KHSRP: variants seen among roughly 807,000 people sequenced by gnomAD.
KHSRP encodes far upstream element-binding protein 2.
A neutral mutation model predicts 94.9 loss-of-function variants in KHSRP; 13 were observed. The ratio of observed to expected loss-of-function variants is 0.14; its 90% confidence interval spans 0.09 to 0.22. The LOEUF (loss-of-function observed/expected upper bound fraction) is 0.22. Among genes scored for constraint, KHSRP ranks in the 10% least tolerant of loss-of-function variants. The probability of loss-of-function intolerance (pLI) is 1.00; values close to 1 mark genes in which losing one functional copy is unlikely to be tolerated. For missense variants in KHSRP, 710 were observed against 1,010.0 expected, an observed-to-expected ratio of 0.70 and a Z score of 4.03; for synonymous variants, 495 against 401.4, an observed-to-expected ratio of 1.23 and a Z score of -2.79.
chr19:6,421,665 C>A lies in KHSRP; in HGVS notation c.370G>T (p.Ala124Ser), dbSNP rs1458798112. The A allele has an allele frequency of 1.2e-6, 2 of 1,613,812 alleles. No individual in the cohort carries two copies. The highest frequency in any genetic ancestry group is 1.1e-5 in the South Asian group (1 of 91,088). The change falls in exon 3 of 19, where the codon GCT (alanine) becomes TCT (serine). Residue 124 changes from alanine (A) to serine (S), a missense_variant. Transcript: ENST00000600480. ...DGDQPESKKL[A>S]SQGDSISSQL... Reference sequence around the variant, plus strand: ...CTGGACTTACAGTCTCCCTGGGAAGCCAGCTTCTTGCTCTCCGGTTGATCT... The same window carrying A: ...CTGGACTTACAGTCTCCCTGGGAAGACAGCTTCTTGCTCTCCGGTTGATCT...
At chr19:6,424,047 G>A (rs980043566) in intron 1 of KHSRP, 8 of 152,324 alleles carry the variant, frequency 5.3e-5, no homozygotes, top group Non-Finnish European at 1.2e-4. Context: ...AGAGGGGACA[G>A]AAATGGGACT....
rs1177821091 is a variant in KHSRP, at chr19:6,420,404, A to C, written c.475+18T>G. On this transcript the variant is annotated intron_variant, in intron 5 of 18. Transcript: ENST00000600480. Reference sequence around the variant, plus strand: ...TGGGGAAGAGTGGGCCTCCCCACCCAAGGTGACCCACACTCACTCAGGCCC... The same window carrying C: ...TGGGGAAGAGTGGGCCTCCCCACCCCAGGTGACCCACACTCACTCAGGCCC... The C allele has an allele frequency of 1.2e-6, 2 of 1,612,910 alleles. No homozygotes were observed. The highest frequency in any genetic ancestry group is 1.7e-6 in the Non-Finnish European group (2 of 1,179,056).
chr19:6,424,428 C>CCCCTCAGG (rs1291626175), intron 1 of KHSRP, 25 bp downstream of exon 1: 1 of 988,172 alleles, frequency 1.0e-6, no homozygotes, highest in Non-Finnish European at 1.2e-6. Context: ...CGCGAGCGCG[C>CCCCTCAGG]CCCTCAGGCC....
At chr19:6,416,937 G>A in intron 12 of KHSRP, 50 bp downstream of exon 12, 1 of 1,613,174 alleles carries the variant, frequency 6.2e-7, no homozygotes, top group Non-Finnish European at 8.5e-7. Context: ...GTCTGGTCTT[G>A]CACTCCCCTG....
chr19:6,415,123 G>A lies in KHSRP; in HGVS notation c.2145C>T (p.His715=), dbSNP rs759262460. ...GGAAGGAGAAAGGAGGAGGAGGAGG[G>A]TGGCAATTCCCACTTGCCTGCTGCT... is the stretch of plus-strand genomic sequence containing the variant. The part of the protein sequence containing the change: ...QGQQQASGNC[H]PPPPPFSFQP... Residue 715 remains histidine, a synonymous_variant, in exon 19 of 19, where the codon CAC becomes CAT. Coordinates refer to ENST00000600480, the MANE Select transcript of KHSRP (RefSeq NM_001366299.1). 1 of 1,599,044 alleles carries A rather than the reference G, an allele frequency of 6.3e-7. No homozygotes were observed. The highest frequency in any genetic ancestry group is 1.3e-5 in the African/African-American group (1 of 74,912).
Position 6,421,290 on chromosome 19 carries a change from TG to T in KHSRP, c.412del (p.His138IlefsTer8). 6.3e-7 allele frequency: 1 copy of T among 1,590,652 alleles called. No individual in the cohort carries two copies. Among genetic ancestry groups the T allele is most frequent in the Non-Finnish European group, 8.6e-7 (1 of 1,168,854 alleles). On this transcript the variant is annotated frameshift_variant, in exon 4 of 19. Coordinates refer to ENST00000600480, the MANE Select transcript of KHSRP (RefSeq NM_001366299.1). LOFTEE classifies it high-confidence loss of function. ...CACCATGGCTTACCTTGGGGGAGGA[TG>T]GATGGGTCCAAGTTGAGAACTGATT... The part of the protein sequence containing the change: ...DSISSQLGPI[H>X]PPPRTSMTEE...
chr19:6,419,505 C>T lies in KHSRP; in HGVS notation c.548-245G>A, dbSNP rs139906481. 6.2e-4 allele frequency among the ~76,000 whole-genome samples: 95 copies of T among 152,236 alleles called. 1 individual carries two copies. The highest frequency in any genetic ancestry group is 2.2e-3 in the African/African-American group (90 of 41,546). On this transcript the variant is annotated intron_variant, in intron 6 of 18. Coordinates refer to ENST00000600480, the MANE Select transcript of KHSRP (RefSeq NM_001366299.1). ...ATGAGGTGGAGGGAGTTGCAGATTC[C>T]AGAAGGTCCAGGAGCCGGCCACCCC...
chr19:6,422,574 T>A, intron 1 of KHSRP, 138 bp from the exon 2 acceptor site: 1 of 633,942 alleles, frequency 1.6e-6, no homozygotes, highest in Non-Finnish European at 2.8e-6. Context: ...TAGGGAAGAG[T>A]CAGTTGGTTA....
chr19:6,414,906 G>C lies in KHSRP; in HGVS notation c.*118C>G, dbSNP rs1026305807. ...CCAGCATCACGACAGCGGCACACAG[G>C]AACAAGCAGCCGGCGCAGGGAGGCC... On this transcript the variant is annotated 3_prime_UTR_variant, in exon 19 of 19. Transcript: ENST00000600480. 86 of 1,390,286 alleles carry C rather than the reference G, an allele frequency of 6.2e-5. No individual in the cohort carries two copies. Among genetic ancestry groups the C allele is most frequent in the Admixed American group, 2.3e-4 (7 of 30,352 alleles). 86.1% of individuals were successfully genotyped at this position (1,390,286 alleles called of 1,614,324 possible).
chr19:6,420,571 C>A (rs775545335), intron 4 of KHSRP, 100 bp from the exon 5 acceptor site: 14 of 1,061,002 alleles, frequency 1.3e-5, no homozygotes, highest in Non-Finnish European at 2.0e-5. Flanking sequence ...TAGGTCTAAG[C>A]AGAGTCTGAC....
At position 6,424,601 on chromosome 19, in the gene KHSRP, G is replaced by A. The variant is rs2092221275; in HGVS notation, c.101C>T (p.Pro34Leu). Residue 34 changes from proline to leucine, a missense_variant, in exon 1 of 19, where the codon CCG becomes CTG. Transcript: ENST00000600480. ...GGAGGGPPPG[P>L]PGAGDRGGGG... ...GCCGCCCCGGTCCCCCGCGCCTGGC[G>A]GGCCCGGCGGAGGGCCTCCCCCGGC... 1.0e-6 allele frequency: 1 copy of A among 963,456 alleles called. No individual in the cohort carries two copies. The allele number at this position is 963,456 out of a possible 1,614,324, so 59.7% of individuals were successfully genotyped here. A position where few individuals can be genotyped will look rare whatever the true frequency, so the allele number is the denominator to read the frequency against.
Position 6,414,254 on chromosome 19 carries a change from G to A in KHSRP, c.*770C>T. ...CCCCTCCCAAACCTGCGCTGGCTCA[G>A]GCTGGAAGGACGTGCTTGTTAACTG... On this transcript the variant is annotated 3_prime_UTR_variant, in exon 19 of 19. Transcript: ENST00000600480. The A allele has an allele frequency of 6.8e-7, 1 of 1,479,140 alleles. No homozygotes were observed. The highest frequency in any genetic ancestry group is 9.0e-7 in the Non-Finnish European group (1 of 1,112,862). 91.6% of individuals were successfully genotyped at this position (1,479,140 alleles called of 1,614,324 possible).
rs1001086313 is a variant in KHSRP, at chr19:6,416,792, C to T, written c.1273G>A (p.Gly425Arg). 6 of 1,586,004 alleles carry T rather than the reference C, an allele frequency of 3.8e-6. No individual in the cohort carries two copies. Among genetic ancestry groups the T allele is most frequent in the East Asian group, 2.3e-5 (1 of 44,326 alleles). The change falls in exon 13 of 19, where the codon GGG becomes AGG. Residue 425 changes from glycine to arginine, a missense_variant. This residue lies in a region of KHSRP where 288 missense variants were observed against 501.1 expected (regional missense o/e 0.57). Transcript: ENST00000600480. Reference sequence around the variant, plus strand: ...GTGGGGATGGAGAAGGTCATCTCCCCGCCAGGGGGACCCCAATTGCCTTGG... The same window carrying T: ...GTGGGGATGGAGAAGGTCATCTCCCTGCCAGGGGGACCCCAATTGCCTTGG... ...RGQGNWGPPG[G>R]EMTFSIPTHK...
chr19:6,415,697 C>A lies in KHSRP; in HGVS notation c.1725G>T (p.Ala575=). The part of the protein sequence containing the change: ...AAAAAADPNA[A]WAAYYSHYYQ... ...AGTAGTGTGAGTAGTAGGCGGCCCA[C>A]GCGGCGTTGGGGTCCGCGGCCGCTG... The change falls in exon 17 of 19, where the codon GCG becomes GCT. Residue 575 remains alanine (A), a synonymous_variant. Transcript: ENST00000600480. 6.5e-7 allele frequency: 1 copy of A among 1,548,710 alleles called. No homozygotes were observed. Among genetic ancestry groups the A allele is most frequent in the Non-Finnish European group, 8.7e-7 (1 of 1,146,802 alleles).
At position 6,414,714 on chromosome 19, in the gene KHSRP, A is replaced by C. The variant is rs749252181; in HGVS notation, c.*310T>G. 1.3e-5 allele frequency: 13 copies of C among 1,032,634 alleles called. No homozygotes were observed. The highest frequency in any genetic ancestry group is 4.6e-4 in the Middle Eastern group (1 of 2,166). The allele number at this position is 1,032,634 out of a possible 1,614,324, so 64.0% of individuals were successfully genotyped here. A position where few individuals can be genotyped will look rare whatever the true frequency, so the allele number is the denominator to read the frequency against. ...AAATAAAAGAATAAAAAGAACAAAA[A>C]CCAAAAAAGTGATGCAGAGAAGGGG... On this transcript the variant is annotated 3_prime_UTR_variant, in exon 19 of 19. Coordinates refer to ENST00000600480, the MANE Select transcript of KHSRP (RefSeq NM_001366299.1).
At position 6,414,635 on chromosome 19, in the gene KHSRP, A is replaced by G. The variant is rs1654586; in HGVS notation, c.*389T>C. On this transcript the variant is annotated 3_prime_UTR_variant, in exon 19 of 19. Coordinates refer to ENST00000600480, the MANE Select transcript of KHSRP (RefSeq NM_001366299.1). ...GTCCCCACCAGTCCCTGCCAGAGCC[A>G]GGCCGCCTGCAACACAGTCACTTGG... is the stretch of plus-strand genomic sequence containing the variant. 0.99 allele frequency: 998,872 copies of G among 1,004,290 alleles called. 496,745 individuals carry two copies. The highest frequency in any genetic ancestry group is 1 in the East Asian group (9,386 of 9,388). 62.2% of individuals were successfully genotyped at this position (1,004,290 alleles called of 1,614,324 possible). A position where few individuals can be genotyped will look rare whatever the true frequency, so the allele number is the denominator to read the frequency against.
rs773577825 is a variant in KHSRP at position 6,420,492 on chromosome 19, G to A, written c.426-21C>T. 5 of 1,613,008 alleles carry A rather than the reference G, an allele frequency of 3.1e-6. No homozygotes were observed. In the African/African-American group the frequency reaches 5.3e-5, roughly 17 times the overall value. ...AAGTCCTGTAAAGAGACACGCCAAA[G>A]GTCAGTCCTCAAGTGGGAAGGGAGG... is the stretch of plus-strand genomic sequence containing the variant. On this transcript the variant is annotated intron_variant, in intron 4 of 18. Transcript: ENST00000600480.
rs2092119641 is a variant in KHSRP, at chr19:6,413,872, G to C, written c.*1152C>G. ...GATTTAGATCTCGCTATCTTCTCTG[G>C]CTGGCTCAACATGGAAGGATCCCAA... On this transcript the variant is annotated 3_prime_UTR_variant, in exon 19 of 19. Transcript: ENST00000600480. 1 of 355,620 alleles carries C rather than the reference G, an allele frequency of 2.8e-6. No individual in the cohort carries two copies. The highest frequency in any genetic ancestry group is 4.9e-6 in the Non-Finnish European group (1 of 204,112). The allele number at this position is 355,620 out of a possible 1,614,324, so 22.0% of individuals were successfully genotyped here.
At chr19:6,417,952 AG>A in intron 10 of KHSRP, 28 bp downstream of exon 10, 1 of 1,605,328 alleles carries the variant, frequency 6.2e-7, no homozygotes, top group Non-Finnish European at 8.5e-7. Flanking sequence ...GGCGGGGGAG[AG>A]GGGGGTGAAG....
Sources: allele counts gnomAD v4.1 joint callset (sites outside exome capture counted in the v4.1 genomes callset), GRCh38; gene constraint gnomAD v4.1.1; regional missense constraint gnomAD v4.1.1; transcripts MANE v1.5; gene names NCBI Gene and HGNC (gene_info 2026-07-23, HGNC 2026-07-21).